The following TCAIM variants were observed in gnomAD, a reference collection of about 807,000 sequenced individuals.
TCAIM encodes T-cell activation inhibitor, mitochondrial.
TCAIM carries 36 observed loss-of-function variants against 58.6 expected under a neutral mutation model. That is an observed-to-expected ratio of 0.61 (90% CI 0.47 to 0.81). The LOEUF (loss-of-function observed/expected upper bound fraction) is 0.81. Among genes scored for constraint, TCAIM ranks in the 30% least tolerant of loss-of-function variants. The pLI is 0.00. For synonymous variants in TCAIM, 172 were observed against 193.6 expected (o/e 0.89, Z 0.93); for missense variants, 466 against 579.6 (o/e 0.80, Z 2.01).
chr3:44,370,395 G>A (rs938925428), intron 5 of TCAIM, among the ~76,000 whole-genome samples: 5 of 149,666 alleles, frequency 3.3e-5, no homozygotes, highest in Admixed American at 6.7e-5. Flanking sequence ...GGTGGAGGTT[G>A]CAGTGAGCCA....
chr3:44,376,686 G>A (rs1273281456), intron 5 of TCAIM, among the ~76,000 whole-genome samples: 1 of 152,116 alleles, frequency 6.6e-6, no homozygotes, highest in Non-Finnish European at 1.5e-5. Context: ...TAAGACACAT[G>A]GAAAATAAAT....
intron 5 of TCAIM, among the ~76,000 whole-genome samples, chr3:44,369,247 C>T (rs771291682): frequency 9.2e-5 from 14 of 152,206 alleles, no homozygotes; most frequent in South Asian, 2.1e-4. Flanking sequence ...TGCTTACACC[C>T]GCGGGAGAAT....
chr3:44,383,717 A>G (rs1701689441), intron 5 of TCAIM, among the ~76,000 whole-genome samples: 1 of 149,612 alleles, frequency 6.7e-6, no homozygotes, highest in African/African-American at 2.5e-5. Flanking sequence ...TTATGCCTGT[A>G]ATCCCAGCAC....
intron 1 of TCAIM, among the ~76,000 whole-genome samples, chr3:44,346,229 C>T (rs1700965668): frequency 6.6e-6 from 1 of 152,092 alleles, no homozygotes; most frequent in East Asian, 1.9e-4. Context: ...CTACTGAATA[C>T]CAAGAACCTG....
chr3:44,401,994 C>CT lies in TCAIM; in HGVS notation c.1250+661dup, dbSNP rs376713159. Among the ~76,000 whole-genome samples, 436 of 152,250 alleles carry CT rather than the reference C, an allele frequency of 2.9e-3. 2 individuals carry two copies. The highest frequency in any genetic ancestry group is 4.5e-3 in the Non-Finnish European group (309 of 68,014). ...GTTGCAGTGAGCCGAGATCATGCCA[C>CT]TGCACTCCAGCCTGAATGAAAGAGT... On this transcript the variant is annotated intron_variant, in intron 10 of 10. Transcript: ENST00000342649.
intron 5 of TCAIM, among the ~76,000 whole-genome samples, chr3:44,390,951 C>T (rs1701824351): frequency 6.6e-6 from 1 of 152,200 alleles, no homozygotes; most frequent in Admixed American, 6.5e-5. Context: ...ATTCTGTCCC[C>T]TCCCCGTCAC....
At chr3:44,350,990 T>A (rs1037157973) in intron 1 of TCAIM, among the ~76,000 whole-genome samples, 2 of 152,150 alleles carry the variant, frequency 1.3e-5, no homozygotes, top group Non-Finnish European at 2.9e-5. Flanking sequence ...TAGTCCAAAT[T>A]TTTTTTGTAT....
At chr3:44,404,820 CA>C (rs892441373) in intron 10 of TCAIM, among the ~76,000 whole-genome samples, 36 of 133,952 alleles carry the variant, frequency 2.7e-4, no homozygotes, top group South Asian at 1.5e-3. Flanking sequence ...TTTTTTATGG[CA>C]AAAAACTGCA....
At chr3:44,380,409 C>T (rs1484003216) in intron 5 of TCAIM, among the ~76,000 whole-genome samples, 2 of 151,974 alleles carry the variant, frequency 1.3e-5, no homozygotes, top group Admixed American at 6.6e-5. Context: ...GTATGATTAA[C>T]AATTTTGAGC....
At chr3:44,364,664 C>T (rs1247857365) in intron 4 of TCAIM, among the ~76,000 whole-genome samples, 2 of 151,792 alleles carry the variant, frequency 1.3e-5, no homozygotes, top group Non-Finnish European at 2.9e-5. Flanking sequence ...ATCACCTGAG[C>T]CCAGGGGGCA....
At chr3:44,386,235 C>G (rs1055568720) in intron 5 of TCAIM, among the ~76,000 whole-genome samples, 5 of 140,120 alleles carry the variant, frequency 3.6e-5, no homozygotes, top group African/African-American at 5.4e-5. Flanking sequence ...AAAAAAAACA[C>G]TTTAAAATTA....
At chr3:44,372,675 G>C (rs1292167134) in intron 5 of TCAIM, among the ~76,000 whole-genome samples, 2 of 151,322 alleles carry the variant, frequency 1.3e-5, no homozygotes, top group Admixed American at 1.3e-4. Flanking sequence ...CTCACTGCAA[G>C]CTCCGCCTCC....
chr3:44,343,737 GA>G (rs556315284), intron 1 of TCAIM, among the ~76,000 whole-genome samples: 87 of 152,260 alleles, frequency 5.7e-4, no homozygotes, highest in African/African-American at 2.0e-3. Context: ...TAAGCAGATA[GA>G]AAACACCTAA....
chr3:44,339,283 T>C (rs1024660867), intron 1 of TCAIM, among the ~76,000 whole-genome samples: 21 of 152,190 alleles, frequency 1.4e-4, no homozygotes, highest in Non-Finnish European at 2.8e-4. Context: ...TCAGAAACCG[T>C]ACAAGATAGT....
intron 5 of TCAIM, among the ~76,000 whole-genome samples, chr3:44,384,558 AG>A (rs1275411551): frequency 1.3e-5 from 2 of 152,252 alleles, no homozygotes; most frequent in African/African-American, 4.8e-5. Flanking sequence ...ATACTGAACA[AG>A]TATACAGCCA....
chr3:44,401,891 G>A (rs141035905), intron 10 of TCAIM, among the ~76,000 whole-genome samples: 1 of 152,144 alleles, frequency 6.6e-6, no homozygotes, highest in Non-Finnish European at 1.5e-5. Context: ...AAGTTATCCA[G>A]GTGTTATGGC....
At chr3:44,372,333 G>A (rs1323383162) in intron 5 of TCAIM, among the ~76,000 whole-genome samples, 1 of 152,176 alleles carries the variant, frequency 6.6e-6, no homozygotes, top group East Asian at 1.9e-4. Flanking sequence ...TGACTGCCTA[G>A]TAGAGAGATT....
intron 4 of TCAIM, chr3:44,362,579 T>A: frequency 2.5e-6 from 1 of 395,746 alleles, no homozygotes. Context: ...AGTCACAAAT[T>A]CCTTTTCTTG....
intron 5 of TCAIM, among the ~76,000 whole-genome samples, chr3:44,386,267 C>A (rs1701740194): frequency 6.8e-6 from 1 of 147,386 alleles, no homozygotes; most frequent in Non-Finnish European, 1.5e-5. Flanking sequence ...ATAGTTCTTT[C>A]TACTCCTGAG....
Sources: allele counts gnomAD v4.1 joint callset (sites outside exome capture counted in the v4.1 genomes callset), GRCh38; gene constraint gnomAD v4.1.1; transcripts MANE v1.5; gene names NCBI Gene and HGNC (gene_info 2026-07-23, HGNC 2026-07-21).